The following UBE2G1 variants were observed in gnomAD, a reference collection of about 807,000 sequenced individuals.
UBE2G1 encodes the protein ubiquitin conjugating enzyme E2 G1.
Under a neutral mutation model 22.7 loss-of-function variants are expected in UBE2G1, and 5 were observed. That is an observed-to-expected ratio of 0.22 (90% CI 0.12 to 0.46). UBE2G1 has a LOEUF of 0.46. Among genes scored for constraint, UBE2G1 ranks in the 20% least tolerant of loss-of-function variants. UBE2G1 has a pLI of 0.99. For synonymous variants in UBE2G1, 74 were observed against 67.5 expected, an observed-to-expected ratio of 1.10 and a Z score of -0.47; for missense variants, 88 against 203.9, an observed-to-expected ratio of 0.43 and a Z score of 3.46.
At chr17:4,366,228 G>A (rs752169922) in intron 1 of UBE2G1, 43 bp downstream of exon 1, 1 of 1,510,500 alleles carries the variant, frequency 6.6e-7, no homozygotes, top group East Asian at 2.7e-5. Flanking sequence ...GCGGCTGTCC[G>A]CGATCGCGGC....
chr17:4,351,186 G>T (rs1056010366), intron 1 of UBE2G1, among the ~76,000 whole-genome samples: 1 of 147,278 alleles, frequency 6.8e-6, no homozygotes, highest in East Asian at 1.9e-4. Context: ...GGGCTGGGGG[G>T]TGGGGGAAAG....
At chr17:4,351,426 A>G (rs1036337926) in intron 1 of UBE2G1, among the ~76,000 whole-genome samples, 3 of 152,242 alleles carry the variant, frequency 2.0e-5, no homozygotes, top group African/African-American at 7.2e-5. Flanking sequence ...AGAGTTAAAT[A>G]TAAACCAAAC....
At chr17:4,304,291 C>A (rs761158151) in intron 2 of UBE2G1, among the ~76,000 whole-genome samples, 1 of 152,092 alleles carries the variant, frequency 6.6e-6, no homozygotes, top group African/African-American at 2.4e-5. Flanking sequence ...CCACTGTATC[C>A]ACCCTAAACT....
In UBE2G1 at chr17:4,283,695, A is replaced by C. The variant is rs531033151; in HGVS notation, c.427-774T>G. 5.1e-4 allele frequency among the ~76,000 whole-genome samples: 77 copies of C among 152,282 alleles called. 1 individual carries two copies. Among genetic ancestry groups the C allele is most frequent in the African/African-American group, 1.7e-3 (69 of 41,564 alleles). On this transcript the variant is annotated intron_variant, in intron 4 of 5. Coordinates refer to ENST00000396981, the MANE Select transcript of UBE2G1 (RefSeq NM_003342.5). ...CACTGTCACTGCCTGACATACAAAA[A>C]TGGAACAGAACAGTGGGGTAATGAA...
At chr17:4,300,833 A>G (rs1289900856) in intron 2 of UBE2G1, among the ~76,000 whole-genome samples, 1 of 151,802 alleles carries the variant, frequency 6.6e-6, no homozygotes, top group Admixed American at 6.6e-5. Context: ...GCATGGTGAC[A>G]GGTGCCCATA....
intron 1 of UBE2G1, among the ~76,000 whole-genome samples, chr17:4,355,791 C>T (rs1344359413): frequency 6.9e-5 from 10 of 145,224 alleles, no homozygotes; most frequent in African/African-American, 2.3e-4. Flanking sequence ...ACCTCCACCT[C>T]GCGGGTTCAA....
intron 1 of UBE2G1, among the ~76,000 whole-genome samples, chr17:4,323,183 G>A (rs1012221913): frequency 5.9e-5 from 9 of 152,130 alleles, no homozygotes; most frequent in African/African-American, 1.9e-4. Context: ...CTTGTGCTTT[G>A]GTAAGAAATT....
intron 4 of UBE2G1, among the ~76,000 whole-genome samples, chr17:4,284,158 C>CA (rs544931688): frequency 0.61 from 66,703 of 108,784 alleles, 19,917 homozygotes; most frequent in East Asian, 0.79. Context: ...CTCCGTCTCT[C>CA]AAAAAAAAAA....
chr17:4,351,236 C>T (rs1409217896), intron 1 of UBE2G1, among the ~76,000 whole-genome samples: 2 of 152,118 alleles, frequency 1.3e-5, no homozygotes, highest in Non-Finnish European at 2.9e-5. Flanking sequence ...TATGTAAGAA[C>T]TCACTGTACT....
At chr17:4,345,987 G>A (rs1022162955) in intron 1 of UBE2G1, among the ~76,000 whole-genome samples, 1 of 152,166 alleles carries the variant, frequency 6.6e-6, no homozygotes, top group African/African-American at 2.4e-5. Flanking sequence ...TGCACTTTTA[G>A]AATTCATTTT....
At chr17:4,315,129 T>C (rs1474473830) in intron 1 of UBE2G1, among the ~76,000 whole-genome samples, 1 of 152,174 alleles carries the variant, frequency 6.6e-6, no homozygotes, top group African/African-American at 2.4e-5. Flanking sequence ...GTTTAGAATG[T>C]ACTTCACAGT....
In UBE2G1 at chr17:4,297,668, T is replaced by C. The variant is rs150517884; in HGVS notation, c.150-854A>G. 8.0e-4 allele frequency among the ~76,000 whole-genome samples: 122 copies of C among 152,336 alleles called. 1 individual carries two copies. Among genetic ancestry groups the C allele is most frequent in the African/African-American group, 2.7e-3 (114 of 41,576 alleles). On this transcript the variant is annotated intron_variant, in intron 2 of 5. Coordinates refer to ENST00000396981, the MANE Select transcript of UBE2G1 (RefSeq NM_003342.5). ...CCTTGGTACTAAATATTTCCTCTGTTGGAAATACTTTTCTCCCTTTGTCTT... is the reference window on the plus strand; with the variant it reads ...CCTTGGTACTAAATATTTCCTCTGTCGGAAATACTTTTCTCCCTTTGTCTT...
At chr17:4,294,052 A>C (rs1969075720) in intron 3 of UBE2G1, among the ~76,000 whole-genome samples, 1 of 152,162 alleles carries the variant, frequency 6.6e-6, no homozygotes, top group Non-Finnish European at 1.5e-5. Context: ...GTACAGCTTT[A>C]AATGTCATGA....
chr17:4,282,100 T>C (rs1156438312), intron 5 of UBE2G1, among the ~76,000 whole-genome samples: 2 of 152,172 alleles, frequency 1.3e-5, no homozygotes, highest in Non-Finnish European at 1.5e-5. Flanking sequence ...TGTTTTTTTC[T>C]GAGATAGAGT....
chr17:4,356,180 A>G (rs1164004586), intron 1 of UBE2G1, among the ~76,000 whole-genome samples: 1 of 148,774 alleles, frequency 6.7e-6, no homozygotes, highest in Admixed American at 6.7e-5. Context: ...ACGTGGAGAA[A>G]CCCCGTCTCT....
chr17:4,343,411 G>C lies in UBE2G1; in HGVS notation c.46+22860C>G, dbSNP rs369013220. ...CCCAGCTACAAGGGAGGCTGAGGCAGAAGAATTGCTTTAACCCAGGAGGCG... is the reference window on the plus strand; with the variant it reads ...CCCAGCTACAAGGGAGGCTGAGGCACAAGAATTGCTTTAACCCAGGAGGCG... On this transcript the variant is annotated intron_variant, in intron 1 of 5. Coordinates refer to ENST00000396981, the MANE Select transcript of UBE2G1 (RefSeq NM_003342.5). Among the ~76,000 whole-genome samples, 30 of 152,158 alleles carry C rather than the reference G, an allele frequency of 2.0e-4. 1 individual carries two copies. The highest frequency in any genetic ancestry group is 1.6e-3 in the Admixed American group (24 of 15,272).
In UBE2G1 at chr17:4,348,706, C is replaced by A. The variant is rs1045263611; in HGVS notation, c.46+17565G>T. On this transcript the variant is annotated intron_variant, in intron 1 of 5. Coordinates refer to ENST00000396981, the MANE Select transcript of UBE2G1 (RefSeq NM_003342.5). ...GTGACACCCCACCACTACTAAAATA[C>A]AAAAATTAACTAGGCATGGTGGCAT... Among the ~76,000 whole-genome samples the A allele has an allele frequency of 4.8e-5, 7 of 146,734 alleles. No homozygotes were observed. The East Asian group carries it at 1.5e-3, about 30-fold the overall frequency.
In UBE2G1 at chr17:4,328,920, A is replaced by G. The variant is rs1445988956; in HGVS notation, c.47-21797T>C. 2.6e-5 allele frequency among the ~76,000 whole-genome samples: 4 copies of G among 151,856 alleles called. No individual in the cohort carries two copies. The East Asian group carries it at 7.7e-4, about 29-fold the overall frequency. On this transcript the variant is annotated intron_variant, in intron 1 of 5. Coordinates refer to ENST00000396981, the MANE Select transcript of UBE2G1 (RefSeq NM_003342.5). ...GCTAACATGGTGAAACTCCGTCTCT[A>G]CTAAAAATACAAAGAATTAGCCAAG... is the stretch of plus-strand genomic sequence containing the variant.
chr17:4,359,473 A>AT (rs1317691787), intron 1 of UBE2G1, among the ~76,000 whole-genome samples: 1 of 152,264 alleles, frequency 6.6e-6, no homozygotes, highest in African/African-American at 2.4e-5. Flanking sequence ...ACATAACTTT[A>AT]TAAAAAGAGG....
Sources: allele counts gnomAD v4.1 joint callset (sites outside exome capture counted in the v4.1 genomes callset), GRCh38; gene constraint gnomAD v4.1.1; transcripts MANE v1.5; gene names NCBI Gene and HGNC (gene_info 2026-07-23, HGNC 2026-07-21).